The following TMEM204 variants were observed in gnomAD, a reference collection of about 807,000 sequenced individuals.
TMEM204 encodes the protein claudin-like protein 24.
Under a neutral mutation model 19.4 loss-of-function variants are expected in TMEM204, and 15 were observed. That is an observed-to-expected ratio of 0.77 (90% CI 0.52 to 1.19). The LOEUF (loss-of-function observed/expected upper bound fraction) is 1.19. Among genes scored for constraint, TMEM204 ranks in the 50% most tolerant of loss-of-function variants. The pLI, the probability that TMEM204 is intolerant of heterozygous loss-of-function variation, is 0.00. For synonymous variants in TMEM204, 161 were observed against 146.0 expected, an observed-to-expected ratio of 1.10 and a Z score of -0.74; for missense variants, 287 against 321.2, an observed-to-expected ratio of 0.89 and a Z score of 0.81.
intron 2 of TMEM204, among the ~76,000 whole-genome samples, chr16:1,545,564 AG>A (rs2032100264): frequency 2.0e-5 from 3 of 152,180 alleles, no homozygotes; most frequent in Admixed American, 2.0e-4. Context: ...GAGAGACTGA[AG>A]GGCGCCAGGA....
chr16:1,539,655 G>C (rs1464279640), intron 1 of TMEM204, among the ~76,000 whole-genome samples: 1 of 152,266 alleles, frequency 6.6e-6, no homozygotes, highest in Non-Finnish European at 1.5e-5. Context: ...GAAGGAACGT[G>C]AGCTCTCAGT....
intron 1 of TMEM204, among the ~76,000 whole-genome samples, 200 bp downstream of exon 1, chr16:1,534,755 G>A (rs2030894995): frequency 6.6e-6 from 1 of 152,212 alleles, no homozygotes; most frequent in Non-Finnish European, 1.5e-5. Context: ...GGTGAGTGGT[G>A]GCCCCACACA....
At chr16:1,538,493 C>T (rs889183070) in intron 1 of TMEM204, among the ~76,000 whole-genome samples, 1 of 152,200 alleles carries the variant, frequency 6.6e-6, no homozygotes, top group Non-Finnish European at 1.5e-5. Flanking sequence ...CCTCCCAGGG[C>T]AGCTCTGCAT....
intron 1 of TMEM204, among the ~76,000 whole-genome samples, chr16:1,538,426 C>A (rs959179841): frequency 6.6e-6 from 1 of 152,226 alleles, no homozygotes; most frequent in African/African-American, 2.4e-5. Flanking sequence ...CACAACTACA[C>A]GTGCAGCTGT....
Position 1,539,570 on chromosome 16 carries a change from G to A in TMEM204, c.281-2351G>A, listed in dbSNP as rs539225560. On this transcript the variant is annotated intron_variant, in intron 1 of 2. Coordinates refer to ENST00000566264, the MANE Select transcript of TMEM204 (RefSeq NM_024600.6). ...GCCACCAGGCTGGCTCTCAGCCCCCGCGTCTTCTGTTCCTTCTTTAGAGAG... is the reference window on the plus strand; with the variant it reads ...GCCACCAGGCTGGCTCTCAGCCCCCACGTCTTCTGTTCCTTCTTTAGAGAG... 2.6e-5 allele frequency among the ~76,000 whole-genome samples: 4 copies of A among 152,382 alleles called. No individual in the cohort carries two copies. In the South Asian group the frequency reaches 6.2e-4, roughly 24 times the overall value.
chr16:1,535,698 T>G (rs957987851), intron 1 of TMEM204, among the ~76,000 whole-genome samples: 1 of 152,220 alleles, frequency 6.6e-6, no homozygotes, highest in African/African-American at 2.4e-5. Context: ...GCAGAAGGCA[T>G]GTGGCTTGGA....
At chr16:1,542,565 G>A (rs530781841) in intron 2 of TMEM204, among the ~76,000 whole-genome samples, 2 of 152,358 alleles carry the variant, frequency 1.3e-5, no homozygotes, top group South Asian at 4.1e-4. Context: ...CATGTGCTCT[G>A]TTATAAACGC....
intron 1 of TMEM204, chr16:1,541,482 C>T (rs1290450703): frequency 2.7e-5 from 27 of 985,302 alleles, no homozygotes; most frequent in Non-Finnish European, 3.3e-5. Flanking sequence ...TGGCCCCCCG[C>T]GGAGTCTCCG....
intron 1 of TMEM204, chr16:1,541,232 A>T: frequency 1.0e-6 from 1 of 985,432 alleles, no homozygotes; most frequent in Non-Finnish European, 1.2e-6. Context: ...GACTTAAGCC[A>T]CTGAGTGAAA....
intron 2 of TMEM204, among the ~76,000 whole-genome samples, chr16:1,543,065 T>C (rs1213941376): frequency 1.3e-5 from 2 of 152,214 alleles, no homozygotes; most frequent in Admixed American, 1.3e-4. Flanking sequence ...TGTGGGCATC[T>C]GGGGCAGGCT....
rs773550923 is a variant in TMEM204, at chr16:1,553,356, C to T, written c.437-1426C>T. 2.0e-4 allele frequency: 200 copies of T among 985,288 alleles called. No homozygotes were observed. Among genetic ancestry groups the T allele is most frequent in the Non-Finnish European group, 2.3e-4 (193 of 829,948 alleles). 61.0% of individuals were successfully genotyped at this position (985,288 alleles called of 1,614,324 possible). On this transcript the variant is annotated intron_variant, in intron 2 of 2. Coordinates refer to ENST00000566264, the MANE Select transcript of TMEM204 (RefSeq NM_024600.6). The surrounding 1 kb of genome is among the most constrained non-coding windows in gnomAD (Gnocchi z 4.4). Reference sequence around the variant, plus strand: ...TGTCTCTTTTTCTCCCATCCTCTCTCGATGCTGGGGCCACACAGGGCAGGG... The same window carrying T: ...TGTCTCTTTTTCTCCCATCCTCTCTTGATGCTGGGGCCACACAGGGCAGGG...
chr16:1,554,595 C>G (rs915460316), intron 2 of TMEM204, among the ~76,000 whole-genome samples, 187 bp from the exon 3 acceptor site: 1 of 152,094 alleles, frequency 6.6e-6, no homozygotes, highest in East Asian at 1.9e-4. Context: ...GCAGCCGCCC[C>G]GTAAAGCAGG....
chr16:1,533,342 G>A (rs1254286593), upstream of TMEM204: 1 of 151,958 alleles, frequency 6.6e-6, no homozygotes, highest in African/African-American at 2.4e-5. The surrounding 1 kb of genome is among the most constrained non-coding windows in gnomAD (Gnocchi z 4.7). Flanking sequence ...TGGTCCTGGG[G>A]GCAACTGGAT....
At chr16:1,548,642 G>C (rs1323831810) in intron 2 of TMEM204, among the ~76,000 whole-genome samples, 1 of 152,202 alleles carries the variant, frequency 6.6e-6, no homozygotes, top group African/African-American at 2.4e-5. Flanking sequence ...TTAATATAAA[G>C]ATGGTGGGAG....
At chr16:1,547,869 G>T (rs2032303997) in intron 2 of TMEM204, among the ~76,000 whole-genome samples, 1 of 152,160 alleles carries the variant, frequency 6.6e-6, no homozygotes, top group East Asian at 1.9e-4. Context: ...CATAGATGGG[G>T]TCTTGCCACG....
At chr16:1,536,026 C>A (rs548780113) in intron 1 of TMEM204, among the ~76,000 whole-genome samples, 9 of 152,372 alleles carry the variant, frequency 5.9e-5, no homozygotes, top group Admixed American at 5.9e-4. Context: ...CGGCTTTAGG[C>A]CCCTGGAGGT....
chr16:1,554,153 C>G, intron 2 of TMEM204: 1 of 1,285,548 alleles, frequency 7.8e-7, no homozygotes, highest in South Asian at 1.2e-5. Flanking sequence ...GCCAAGGAGC[C>G]CTAGACAAGG....
At chr16:1,528,721 CCCG>C (rs1351468620), upstream of TMEM204, 4 of 153,010 alleles carry the variant, frequency 2.6e-5, no homozygotes, top group African/African-American at 9.6e-5. Flanking sequence ...CTGCAGCCTC[CCCG>C]CTGGCACGGT....
chr16:1,539,727 G>A (rs556052062), intron 1 of TMEM204, among the ~76,000 whole-genome samples: 2 of 152,382 alleles, frequency 1.3e-5, no homozygotes, highest in African/African-American at 4.8e-5. Flanking sequence ...GCGAGGGGCA[G>A]CTGCTGCCGC....
Sources: gnomAD v4.1 joint callset for allele counts (sites outside exome capture counted in the v4.1 genomes callset) on GRCh38, gnomAD v4.1.1 for gene constraint, Gnocchi (gnomAD v3.1) non-coding constraint, MANE v1.5 for transcripts, NCBI Gene and HGNC (gene_info 2026-07-23, HGNC 2026-07-21) for gene names.